The following ADCY5 variants were observed in gnomAD, a reference collection of about 807,000 sequenced individuals.
ADCY5 encodes the protein adenylate cyclase 5.
Under a neutral mutation model 119.7 loss-of-function variants are expected in ADCY5, and 30 were observed. That is an observed-to-expected ratio of 0.25 (90% CI 0.19 to 0.34). The LOEUF is 0.34. ADCY5 is among the 10% of genes least tolerant of loss of function. The pLI, the probability that ADCY5 is intolerant of heterozygous loss-of-function variation, is 1.00. For synonymous variants in ADCY5, 753 were observed against 762.2 expected (o/e 0.99, Z 0.20); for missense variants, 1,324 against 1,775.2 (o/e 0.75, Z 4.57).
At chr3:123,323,341 G>A (rs1045691664) in intron 8 of ADCY5, among the ~76,000 whole-genome samples, 20 of 152,172 alleles carry the variant, frequency 1.3e-4, no homozygotes, top group Non-Finnish European at 2.6e-4. Context: ...TAATATATCT[G>A]CCAACACAGT....
At chr3:123,327,971 C>T (rs1941575617) in intron 6 of ADCY5, among the ~76,000 whole-genome samples, 1 of 152,212 alleles carries the variant, frequency 6.6e-6, no homozygotes, top group African/African-American at 2.4e-5. Context: ...CTGTCTCACA[C>T]TGAACATCCT....
At chr3:123,381,689 G>A (rs1209379253) in intron 1 of ADCY5, among the ~76,000 whole-genome samples, 18 of 152,158 alleles carry the variant, frequency 1.2e-4, no homozygotes, top group Admixed American at 1.0e-3. Context: ...TCATGTTGCC[G>A]GTTTAGCATG....
rs902152799 is a variant in ADCY5, at chr3:123,448,812, C to G, written c.-267G>C. On this transcript the variant is annotated 5_prime_UTR_variant, in exon 1 of 21. Transcript: ENST00000462833. ...TGCCTCCGAGGTGGGGTCGCAGGGA[C>G]TGGTCTGGCTGCTGCTGCGCCGCAC... 4.4e-5 allele frequency: 16 copies of G among 360,400 alleles called. No homozygotes were observed. The East Asian group carries it at 6.4e-4, about 14-fold the overall frequency. 22.3% of individuals were successfully genotyped at this position (360,400 alleles called of 1,614,324 possible). A position where few individuals can be genotyped will look rare whatever the true frequency, so the allele number is the denominator to read the frequency against.
chr3:123,353,918 T>C (rs1327231049), intron 1 of ADCY5, among the ~76,000 whole-genome samples: 1 of 152,184 alleles, frequency 6.6e-6, no homozygotes, highest in African/African-American at 2.4e-5. Flanking sequence ...CCATGAAGAC[T>C]TTCTCTTTCC....
chr3:123,321,988 T>C (rs1941243195), intron 8 of ADCY5, among the ~76,000 whole-genome samples: 1 of 152,202 alleles, frequency 6.6e-6, no homozygotes, highest in Admixed American at 6.5e-5. Context: ...CCCTTCTCCT[T>C]GTCCTCTGAG....
intron 1 of ADCY5, among the ~76,000 whole-genome samples, chr3:123,402,308 C>T (rs772670312): frequency 1.4e-4 from 22 of 152,256 alleles, no homozygotes; most frequent in Non-Finnish European, 2.8e-4. Flanking sequence ...TCCAAACATA[C>T]TGCCTGGAGC....
At chr3:123,355,209 CA>C (rs1457427272) in intron 1 of ADCY5, among the ~76,000 whole-genome samples, 1 of 152,080 alleles carries the variant, frequency 6.6e-6, no homozygotes, top group African/African-American at 2.4e-5. Flanking sequence ...AGAAGAACCT[CA>C]AAAAATTTTA....
At chr3:123,423,843 G>A (rs1945350302) in intron 1 of ADCY5, among the ~76,000 whole-genome samples, 1 of 152,206 alleles carries the variant, frequency 6.6e-6, no homozygotes, top group Non-Finnish European at 1.5e-5. Context: ...GCCACCCCAG[G>A]ACTCAGCCCT....
rs1448525346 is a variant in ADCY5 at position 123,314,280 on chromosome 3, C to A, written c.2397G>T (p.Leu799=). The stretch of plus-strand genomic sequence containing the variant: ...CAGACACAAACACCACCAAGGTCAG[C>A]AGCAGGGAACAGGTCAGGTAGAAGC... ...MLSFYLTCSL[L]LTLVVFVSVI... The change falls in exon 12 of 21, where the codon CTG becomes CTT. Residue 799 remains leucine, a synonymous_variant. Transcript: ENST00000462833. 1 of 1,613,760 alleles carries A rather than the reference C, an allele frequency of 6.2e-7. No homozygotes were observed. The highest frequency in any genetic ancestry group is 2.2e-5 in the East Asian group (1 of 44,888).
intron 1 of ADCY5, among the ~76,000 whole-genome samples, chr3:123,368,601 A>C (rs1303793664): frequency 6.6e-6 from 1 of 152,192 alleles, no homozygotes; most frequent in Admixed American, 6.5e-5. Flanking sequence ...TCTCAAAAAA[A>C]ATTAGCTGGA....
At chr3:123,373,090 A>G (rs916170795) in intron 1 of ADCY5, among the ~76,000 whole-genome samples, 4 of 152,208 alleles carry the variant, frequency 2.6e-5, no homozygotes, top group African/African-American at 9.6e-5. Flanking sequence ...AAAGCCAGCT[A>G]GGCTGGGGCC....
intron 1 of ADCY5, among the ~76,000 whole-genome samples, chr3:123,357,463 C>A (rs937766617): frequency 2.0e-5 from 3 of 152,182 alleles, no homozygotes; most frequent in African/African-American, 7.2e-5. Context: ...CCTCCTATAG[C>A]CAGAAGTCCA....
chr3:123,352,746 G>C lies in ADCY5; in HGVS notation c.1135-165C>G, dbSNP rs772918551. On this transcript the variant is annotated intron_variant, in intron 1 of 20. Coordinates refer to ENST00000462833, the MANE Select transcript of ADCY5 (RefSeq NM_183357.3). The surrounding 1 kb of genome is among the most constrained non-coding windows in gnomAD (Gnocchi z 4.8). ...CCACTGTGAGCAGCCGAGCATAATC[G>C]ATCGGGCTCTCTGATGTCCTCAAAG... Among the ~76,000 whole-genome samples, 3 of 152,174 alleles carry C rather than the reference G, an allele frequency of 2.0e-5. No individual in the cohort carries two copies. The highest frequency in any genetic ancestry group is 4.4e-5 in the Non-Finnish European group (3 of 68,046).
intron 19 of ADCY5, chr3:123,287,040 G>A: frequency 2.0e-6 from 1 of 490,466 alleles, no homozygotes; most frequent in Non-Finnish European, 3.5e-6. Context: ...CCCTCACCAG[G>A]AGTGCCCTCT....
At chr3:123,396,900 A>C (rs2107601095) in intron 1 of ADCY5, among the ~76,000 whole-genome samples, 1 of 151,932 alleles carries the variant, frequency 6.6e-6, no homozygotes, top group South Asian at 2.1e-4. Context: ...TGTAGCACAC[A>C]GGGGCATGCA....
In ADCY5 at chr3:123,286,590, G is replaced by A; in HGVS notation, c.3657+95C>T. ...CCTTGAATCTGGCTGCAGACATTCT[G>A]ACTGGGAACTGTAGGTGGCCTGCCC... On this transcript the variant is annotated intron_variant, in intron 20 of 20. Transcript: ENST00000462833. This position sits in a 1 kb window ranked among gnomAD's most constrained non-coding sequence, Gnocchi z 4.2. The A allele has an allele frequency of 6.8e-7, 1 of 1,467,054 alleles. No homozygotes were observed. The highest frequency in any genetic ancestry group is 9.1e-7 in the Non-Finnish European group (1 of 1,103,342). The allele number at this position is 1,467,054 out of a possible 1,614,324, so 90.9% of individuals were successfully genotyped here. A position where few individuals can be genotyped will look rare whatever the true frequency, so the allele number is the denominator to read the frequency against.
chr3:123,426,400 T>C (rs1362632909), intron 1 of ADCY5, among the ~76,000 whole-genome samples: 1 of 151,872 alleles, frequency 6.6e-6, no homozygotes, highest in East Asian at 1.9e-4. Flanking sequence ...CTTGGCTCAT[T>C]GCAACCTCCC....
At chr3:123,322,348 G>A (rs968553070) in intron 8 of ADCY5, among the ~76,000 whole-genome samples, 2 of 152,172 alleles carry the variant, frequency 1.3e-5, no homozygotes, top group African/African-American at 4.8e-5. Context: ...GACCTTTCCC[G>A]ATGCTCCTTT....
chr3:123,393,841 G>A (rs1944467632), intron 1 of ADCY5, among the ~76,000 whole-genome samples: 1 of 141,168 alleles, frequency 7.1e-6, no homozygotes, highest in Admixed American at 7.1e-5. Flanking sequence ...AACAACAACA[G>A]CTTTTAAGAT....
Sources: allele counts gnomAD v4.1 joint callset (sites outside exome capture counted in the v4.1 genomes callset), GRCh38; gene constraint gnomAD v4.1.1; non-coding constraint Gnocchi (gnomAD v3.1); transcripts MANE v1.5; gene names NCBI Gene and HGNC (gene_info 2026-07-23, HGNC 2026-07-21).